DNMT3A: variants seen among roughly 807,000 people sequenced by gnomAD.
The protein encoded by DNMT3A is DNA (cytosine-5)-methyltransferase 3A.
Under a neutral mutation model 117.6 loss-of-function variants are expected in DNMT3A, and 267 were observed. That is an observed-to-expected ratio of 2.27 (90% CI 2.05 to 2.51). The LOEUF is 2.51. Among genes scored for constraint, DNMT3A ranks in the 30% most tolerant of loss-of-function variants. The pLI is 0.00. For synonymous variants in DNMT3A, 432 were observed against 474.8 expected (o/e 0.91, Z 1.17); for missense variants, 1,029 against 1,260.2 (o/e 0.82, Z 2.78).
intron 4 of DNMT3A, among the ~76,000 whole-genome samples, chr2:25,278,568 G>A (rs1048168032): frequency 2.0e-5 from 3 of 152,204 alleles, no homozygotes; most frequent in Admixed American, 1.3e-4. Context: ...GCTCATGCCT[G>A]TAATCTCAGC....
At chr2:25,278,221 A>G (rs1439230321) in intron 4 of DNMT3A, among the ~76,000 whole-genome samples, 1 of 152,210 alleles carries the variant, frequency 6.6e-6, no homozygotes, top group Admixed American at 6.5e-5. Context: ...AGGCCCGAAC[A>G]TGACCCTAGT....
chr2:25,260,191 AC>A (rs1321443763), intron 6 of DNMT3A, among the ~76,000 whole-genome samples: 6 of 152,210 alleles, frequency 3.9e-5, no homozygotes, highest in Non-Finnish European at 7.3e-5. Context: ...AAATGCATCT[AC>A]CAATACATCT....
chr2:25,264,058 A>G (rs1238780189), intron 6 of DNMT3A, among the ~76,000 whole-genome samples: 1 of 149,866 alleles, frequency 6.7e-6, no homozygotes, highest in African/African-American at 2.5e-5. Context: ...CATAGTAGAC[A>G]CCCAGACACA....
intron 6 of DNMT3A, among the ~76,000 whole-genome samples, chr2:25,264,955 T>C (rs974416892): frequency 6.6e-6 from 1 of 152,174 alleles, no homozygotes; most frequent in African/African-American, 2.4e-5. Context: ...TCTGGGGTCA[T>C]CTCATCTATT....
chr2:25,310,841 A>G (rs1350664469), intron 2 of DNMT3A, among the ~76,000 whole-genome samples: 4 of 152,136 alleles, frequency 2.6e-5, no homozygotes, highest in African/African-American at 7.2e-5. Flanking sequence ...GCTGGGTCCC[A>G]TCCCCCGAGT....
chr2:25,233,512 C>T lies in DNMT3A; in HGVS notation c.*767G>A, dbSNP rs1368793946. The T allele has an allele frequency of 8.6e-6, 2 of 233,210 alleles. No individual in the cohort carries two copies. The highest frequency in any genetic ancestry group is 1.7e-5 in the Non-Finnish European group (2 of 117,902). The allele number at this position is 233,210 out of a possible 1,614,324, so 14.4% of individuals were successfully genotyped here. Reference sequence around the variant, plus strand: ...ATAAACTGTAAACAAGAGGTAACAGCGGCTTCTAGAAACTGATTTTCTTCA... The same window carrying T: ...ATAAACTGTAAACAAGAGGTAACAGTGGCTTCTAGAAACTGATTTTCTTCA... On this transcript the variant is annotated 3_prime_UTR_variant, in exon 23 of 23. Transcript: ENST00000321117.
In DNMT3A at chr2:25,314,725, C is replaced by T. The variant is rs910109778; in HGVS notation, c.-177-564G>A. 17 of 985,214 alleles carry T rather than the reference C, an allele frequency of 1.7e-5. No individual in the cohort carries two copies. In the African/African-American group the frequency reaches 2.8e-4, roughly 16 times the overall value. The allele number at this position is 985,214 out of a possible 1,614,324, so 61.0% of individuals were successfully genotyped here. A position where few individuals can be genotyped will look rare whatever the true frequency, so the allele number is the denominator to read the frequency against. The stretch of plus-strand genomic sequence containing the variant: ...AGGCTGCAGGCCTGGTTGGCTCTGG[C>T]CTAGGAGGGAGAGGCCACGGCCACG... On this transcript the variant is annotated intron_variant, in intron 1 of 22. Transcript: ENST00000321117.
chr2:25,267,081 C>T (rs535575064), intron 6 of DNMT3A, among the ~76,000 whole-genome samples: 9 of 152,270 alleles, frequency 5.9e-5, no homozygotes, highest in East Asian at 5.8e-4. Context: ...ATAGTAATTA[C>T]GTGGCTAGAT....
rs116652748 is a variant in DNMT3A, at chr2:25,256,713, T to C, written c.640-8461A>G. Among the ~76,000 whole-genome samples the C allele has an allele frequency of 4.8e-3, 723 of 152,202 alleles. 6 individuals carry two copies. Among genetic ancestry groups the C allele is most frequent in the African/African-American group, 0.017 (702 of 41,514 alleles). ...ATCTTTCCCTTCTGTCCCTTATCTT[T>C]CCCTTCTGTCCCTTATCTTCTACCC... On this transcript the variant is annotated intron_variant, in intron 6 of 22. Transcript: ENST00000321117.
chr2:25,329,673 C>A (rs4283373), intron 1 of DNMT3A, among the ~76,000 whole-genome samples: 1,988 of 138,508 alleles, frequency 0.014, 96 homozygotes, highest in African/African-American at 0.042. Flanking sequence ...CATGCAGACC[C>A]CACACACACA....
In DNMT3A at chr2:25,275,490, G is replaced by A. The variant is rs1037396930; in HGVS notation, c.492+10C>T. 1.3e-6 allele frequency: 2 copies of A among 1,592,482 alleles called. No homozygotes were observed. The highest frequency in any genetic ancestry group is 2.3e-5 in the South Asian group (2 of 87,616). On this transcript the variant is annotated intron_variant, in intron 5 of 22. Coordinates refer to ENST00000321117, the MANE Select transcript of DNMT3A (RefSeq NM_022552.5). ...AGGATCCACAGAGCCCCTGGGGGTG[G>A]AACACTTGCCTCCATTTTCATGGAT...
intron 6 of DNMT3A, among the ~76,000 whole-genome samples, chr2:25,265,251 TGCAGGCCGGGG>T (rs1410746313): frequency 3.3e-5 from 5 of 152,298 alleles, no homozygotes; most frequent in Non-Finnish European, 5.9e-5. Context: ...CCCCAACAAC[TGCAGGCCGGGG>T]GCGGGAAGAG....
At chr2:25,342,169 G>C (rs1345986815), upstream of DNMT3A, among the ~76,000 whole-genome samples, 3 of 145,380 alleles carry the variant, frequency 2.1e-5, no homozygotes, top group Non-Finnish European at 4.6e-5. The surrounding 1 kb of genome is among the most constrained non-coding windows in gnomAD (Gnocchi z 5.9). Flanking sequence ...AGCGCCGACT[G>C]GGGGGCCCCG....
chr2:25,237,149 A>G lies in DNMT3A; in HGVS notation c.2409-144T>C. The G allele has an allele frequency of 1.4e-6, 1 of 711,416 alleles. No individual in the cohort carries two copies. The highest frequency in any genetic ancestry group is 2.3e-6 in the Non-Finnish European group (1 of 430,806). The allele number at this position is 711,416 out of a possible 1,614,324, so 44.1% of individuals were successfully genotyped here. A position where few individuals can be genotyped will look rare whatever the true frequency, so the allele number is the denominator to read the frequency against. ...CCCCAAATCACGCACACACGTCATA[A>G]CTCTCTTCAAACTCCCCGCAAACAC... On this transcript the variant is annotated intron_variant, in intron 20 of 22. Transcript: ENST00000321117. The surrounding 1 kb of genome is among the most constrained non-coding windows in gnomAD (Gnocchi z 5.4).
At chr2:25,265,324 A>G (rs77318651) in intron 6 of DNMT3A, among the ~76,000 whole-genome samples, 1,923 of 152,256 alleles carry the variant, frequency 0.013, 15 homozygotes, top group Non-Finnish European at 0.019. Context: ...TTCTAAATGC[A>G]TTCTTCAATT....
At position 25,233,403 on chromosome 2, in the gene DNMT3A, T is replaced by A. The variant is rs900201917; in HGVS notation, c.*876A>T. On this transcript the variant is annotated 3_prime_UTR_variant, in exon 23 of 23. Coordinates refer to ENST00000321117, the MANE Select transcript of DNMT3A (RefSeq NM_022552.5). ...AAGCTGATGTTTTTACTCATCTCGC[T>A]GTTTGAAAGCACCATTATGAAGTCG... The A allele has an allele frequency of 8.6e-6, 2 of 233,648 alleles. No homozygotes were observed. The highest frequency in any genetic ancestry group is 4.4e-5 in the African/African-American group (2 of 45,332). The allele number at this position is 233,648 out of a possible 1,614,324, so 14.5% of individuals were successfully genotyped here. A position where few individuals can be genotyped will look rare whatever the true frequency, so the allele number is the denominator to read the frequency against.
chr2:25,250,693 G>A (rs1308811658), intron 6 of DNMT3A, among the ~76,000 whole-genome samples: 2 of 152,154 alleles, frequency 1.3e-5, no homozygotes, highest in African/African-American at 2.4e-5. Flanking sequence ...GCTGCTCCTC[G>A]CCCACCACGC....
intron 16 of DNMT3A, among the ~76,000 whole-genome samples, chr2:25,243,680 G>T (rs1309423662): frequency 1.3e-5 from 2 of 152,254 alleles, no homozygotes. Context: ...CGCCCAGCAG[G>T]CAGGCTGCTT....
At position 25,241,707 on chromosome 2, in the gene DNMT3A, C is replaced by A. The variant is rs1674070512; in HGVS notation, c.1937G>T (p.Gly646Val). 1 of 1,613,522 alleles carries A rather than the reference C, an allele frequency of 6.2e-7. No homozygotes were observed. Among genetic ancestry groups the A allele is most frequent in the Non-Finnish European group, 8.5e-7 (1 of 1,179,800 alleles). Residue 646 changes from glycine (G) to valine (V), a missense_variant and splice_region_variant, in exon 17 of 23, where the codon GGG becomes GTG. Gly to Val is a moderately radical substitution (Grantham distance 109). Transcript: ENST00000321117. ...VLSLFDGIATGLLVLKDLGIQ... is the reference protein window; with the variant it reads ...VLSLFDGIATVLLVLKDLGIQ... ...GCCCAAGTCCTTCAGCACCAGGAGC[C>A]CTGCACCAGCCAGCAGACAGCACCG...
Sources: allele counts gnomAD v4.1 joint callset (sites outside exome capture counted in the v4.1 genomes callset), GRCh38; gene constraint gnomAD v4.1.1; non-coding constraint Gnocchi (gnomAD v3.1); transcripts MANE v1.5; gene names NCBI Gene and HGNC (gene_info 2026-07-23, HGNC 2026-07-21).